The following ELP3 variants were observed in gnomAD, a reference collection of about 807,000 sequenced individuals.
The protein encoded by ELP3 is elongator acetyltransferase complex subunit 3.
In ELP3, 56 loss-of-function variants were observed where a neutral mutation model predicts 74.9. The observed-to-expected ratio is 0.75, with a 90% CI of 0.60 to 0.93. ELP3 has a LOEUF of 0.93. Ranked by LOEUF, ELP3 falls within the 40% of genes least tolerant of loss-of-function variation. ELP3 has a pLI of 0.00. For missense variants in ELP3, 573 were observed against 686.5 expected (o/e 0.83, Z 1.85); for synonymous variants, 222 against 239.8 (o/e 0.93, Z 0.68).
At chr8:28,179,484 GTGGAAGA>G (rs1192483319) in intron 14 of ELP3, among the ~76,000 whole-genome samples, 1 of 152,172 alleles carries the variant, frequency 6.6e-6, no homozygotes, top group Non-Finnish European at 1.5e-5. Context: ...GACTGGTTTT[GTGGAAGA>G]CAATTTTTCC....
In ELP3 at chr8:28,180,225, C is replaced by G. The variant is rs1475906993; in HGVS notation, c.1568-9424C>G. ...CTAACACATGCATATTGACTCTATC[C>G]CATTCTCCCTCACCTCTCTTCCTGT... On this transcript the variant is annotated intron_variant, in intron 14 of 14. Transcript: ENST00000256398. Among the ~76,000 whole-genome samples the G allele has an allele frequency of 4.0e-5, 6 of 149,970 alleles. No individual in the cohort carries two copies. In the East Asian group the frequency reaches 1.2e-3, roughly 29 times the overall value.
chr8:28,157,704 G>A (rs920411942), intron 11 of ELP3, among the ~76,000 whole-genome samples: 4 of 152,068 alleles, frequency 2.6e-5, no homozygotes, highest in Admixed American at 1.3e-4. Flanking sequence ...GTTCTATGGG[G>A]GGGAAATATA....
intron 3 of ELP3, among the ~76,000 whole-genome samples, chr8:28,103,411 T>A (rs1422067829): frequency 6.6e-6 from 1 of 152,212 alleles, no homozygotes. Context: ...AATTACTGAA[T>A]GATAATCCAT....
intron 14 of ELP3, chr8:28,183,284 C>T (rs1315495326): frequency 6.6e-6 from 3 of 454,442 alleles, no homozygotes; most frequent in Non-Finnish European, 4.4e-6. Context: ...TTTCACCTAA[C>T]TCATCATCAT....
At chr8:28,175,236 T>C (rs1367499285) in intron 14 of ELP3, among the ~76,000 whole-genome samples, 1 of 152,154 alleles carries the variant, frequency 6.6e-6, no homozygotes, top group Non-Finnish European at 1.5e-5. Flanking sequence ...CTACCCTTTA[T>C]GTCTCTCATC....
At chr8:28,172,224 T>C (rs971999912) in intron 14 of ELP3, among the ~76,000 whole-genome samples, 1 of 152,118 alleles carries the variant, frequency 6.6e-6, no homozygotes, top group Non-Finnish European at 1.5e-5. Context: ...CATTGAATCT[T>C]TATATGGCTT....
chr8:28,183,355 G>A (rs1172189207), intron 14 of ELP3: 1 of 399,046 alleles, frequency 2.5e-6, no homozygotes, highest in Non-Finnish European at 5.0e-6. Context: ...AAAAGGTCAT[G>A]TAGGAAAGCT....
chr8:28,093,249 G>C lies in ELP3; in HGVS notation c.19+16G>C. 6.2e-7 allele frequency: 1 copy of C among 1,613,112 alleles called. No individual in the cohort carries two copies. Among genetic ancestry groups the C allele is most frequent in the Non-Finnish European group, 8.5e-7 (1 of 1,179,856 alleles). On this transcript the variant is annotated intron_variant, in intron 1 of 14. Coordinates refer to ENST00000256398, the MANE Select transcript of ELP3 (RefSeq NM_018091.6). ...AAGCGGAAAGGTGCGAAAGGGGAAG[G>C]AGATGGGGGAAAGGGGTGGTCCGAA...
chr8:28,188,196 A>G (rs1393674864), intron 14 of ELP3, among the ~76,000 whole-genome samples: 1 of 152,208 alleles, frequency 6.6e-6, no homozygotes, highest in Admixed American at 6.5e-5. Context: ...TGTTTGAGGA[A>G]TGCGTCCAAT....
chr8:28,105,859 C>G (rs1811667559), intron 3 of ELP3, among the ~76,000 whole-genome samples: 1 of 152,232 alleles, frequency 6.6e-6, no homozygotes, highest in African/African-American at 2.4e-5. Context: ...GTCTCTGCCA[C>G]TGCCTCCTGT....
intron 2 of ELP3, among the ~76,000 whole-genome samples, chr8:28,098,224 T>C (rs1811334000): frequency 2.0e-5 from 3 of 152,006 alleles, no homozygotes; most frequent in Admixed American, 2.0e-4. Context: ...CAAACTATAA[T>C]ATATATTCAC....
At chr8:28,112,155 T>A (rs148725939) in intron 6 of ELP3, among the ~76,000 whole-genome samples, 2,036 of 152,178 alleles carry the variant, frequency 0.013, 34 homozygotes, top group African/African-American at 0.035. Flanking sequence ...TATTATTTTT[T>A]TTTTTTTAAA....
At chr8:28,162,998 T>C (rs1563282105) in intron 14 of ELP3, among the ~76,000 whole-genome samples, 1 of 152,176 alleles carries the variant, frequency 6.6e-6, no homozygotes, top group Non-Finnish European at 1.5e-5. Flanking sequence ...TCTGATTCCT[T>C]CACCTTAAGA....
chr8:28,144,348 G>C (rs1478305354), intron 10 of ELP3, among the ~76,000 whole-genome samples: 1 of 152,146 alleles, frequency 6.6e-6, no homozygotes, highest in African/African-American at 2.4e-5. Context: ...AGTGGCTCTC[G>C]TGTGTAATCC....
intron 7 of ELP3, among the ~76,000 whole-genome samples, chr8:28,125,648 T>C (rs1812542123): frequency 6.6e-6 from 1 of 152,158 alleles, no homozygotes; most frequent in Non-Finnish European, 1.5e-5. Flanking sequence ...ATAGTGCTTC[T>C]GTCAAAAGGT....
chr8:28,178,150 TG>T (rs1252718910), intron 14 of ELP3, among the ~76,000 whole-genome samples: 5 of 152,198 alleles, frequency 3.3e-5, no homozygotes, highest in Admixed American at 3.3e-4. Context: ...ATAACAAAAC[TG>T]GGTAATTTAT....
At chr8:28,128,790 C>T (rs1241930819) in intron 7 of ELP3, among the ~76,000 whole-genome samples, 2 of 152,210 alleles carry the variant, frequency 1.3e-5, no homozygotes, top group African/African-American at 2.4e-5. Flanking sequence ...GCTCCTGTCG[C>T]CTCACTTCAC....
chr8:28,167,641 T>G (rs888202375), intron 14 of ELP3, among the ~76,000 whole-genome samples: 19 of 152,148 alleles, frequency 1.2e-4, no homozygotes, highest in Non-Finnish European at 2.2e-4. Context: ...GCAGACCAGT[T>G]TGTGGCACCT....
intron 7 of ELP3, among the ~76,000 whole-genome samples, chr8:28,126,160 AG>A (rs1219229214): frequency 6.6e-6 from 1 of 152,126 alleles, no homozygotes; most frequent in East Asian, 1.9e-4. Flanking sequence ...TAGTGTGGGC[AG>A]GGTGCTTGGG....
Sources: allele counts gnomAD v4.1 joint callset (sites outside exome capture counted in the v4.1 genomes callset), GRCh38; gene constraint gnomAD v4.1.1; transcripts MANE v1.5; gene names NCBI Gene and HGNC (gene_info 2026-07-23, HGNC 2026-07-21).